The following LARGE1 variants were observed in gnomAD, a reference collection of about 807,000 sequenced individuals.
LARGE1 encodes the protein xylosyl- and glucuronyltransferase LARGE1.
Under a neutral mutation model 87.6 loss-of-function variants are expected in LARGE1, and 43 were observed. The observed-to-expected ratio is 0.49, with a 90% CI of 0.38 to 0.63. The LOEUF is 0.63. Among genes scored for constraint, LARGE1 ranks in the 30% least tolerant of loss-of-function variants. LARGE1 has a pLI of 0.00. For synonymous variants in LARGE1, 434 were observed against 394.6 expected, an observed-to-expected ratio of 1.10 and a Z score of -1.18; for missense variants, 802 against 1,000.2, an observed-to-expected ratio of 0.80 and a Z score of 2.67.
At chr22:33,707,561 C>G (rs1010337597) in intron 2 of LARGE1, among the ~76,000 whole-genome samples, 2 of 152,246 alleles carry the variant, frequency 1.3e-5, no homozygotes, top group African/African-American at 4.8e-5. Flanking sequence ...ACTGCTCTGG[C>G]TTTGCAGCCA....
intron 9 of LARGE1, among the ~76,000 whole-genome samples, chr22:33,380,754 C>A (rs1245995359): frequency 6.6e-6 from 1 of 152,156 alleles, no homozygotes; most frequent in Non-Finnish European, 1.5e-5. Context: ...ATCCTTTTTC[C>A]TTTTTAAAAC....
rs186771487 is a variant in LARGE1, at chr22:33,510,437, T to C, written c.787+54411A>G. On this transcript the variant is annotated intron_variant, in intron 6 of 14. Coordinates refer to ENST00000397394, the MANE Select transcript of LARGE1 (RefSeq NM_133642.5). ...GTGCTAGTAAAAAGTGGAGGTAAAA[T>C]TGGAACCCAGGCTGCCTGTCTCCAG... Among the ~76,000 whole-genome samples, 459 of 152,276 alleles carry C rather than the reference T, an allele frequency of 3.0e-3. 2 individuals carry two copies. Among genetic ancestry groups the C allele is most frequent in the African/African-American group, 0.011 (439 of 41,560 alleles).
intron 6 of LARGE1, among the ~76,000 whole-genome samples, chr22:33,563,650 G>A (rs915619139): frequency 7.2e-5 from 11 of 152,096 alleles, no homozygotes; most frequent in African/African-American, 2.2e-4. Flanking sequence ...CTAAGCTTCC[G>A]TTTCTTTCTT....
intron 1 of LARGE1, among the ~76,000 whole-genome samples, chr22:33,886,917 A>G (rs1016706661): frequency 3.3e-5 from 5 of 152,104 alleles, no homozygotes; most frequent in African/African-American, 4.8e-5. Flanking sequence ...AAACCAGAAC[A>G]TCCCATAAAA....
chr22:33,458,234 T>C (rs1020926575), intron 6 of LARGE1, among the ~76,000 whole-genome samples: 1 of 150,656 alleles, frequency 6.6e-6, no homozygotes, highest in Non-Finnish European at 1.5e-5. Flanking sequence ...AGCCTCCCAG[T>C]AGCTGGGACT....
intron 5 of LARGE1, among the ~76,000 whole-genome samples, chr22:33,566,293 G>A (rs892153952): frequency 9.9e-5 from 15 of 152,198 alleles, no homozygotes; most frequent in Admixed American, 3.9e-4. Flanking sequence ...AAACAATGTG[G>A]ATCAAGATAT....
intron 1 of LARGE1, among the ~76,000 whole-genome samples, chr22:33,838,566 G>A (rs1210157786): frequency 6.6e-6 from 1 of 152,186 alleles, no homozygotes; most frequent in Non-Finnish European, 1.5e-5. Flanking sequence ...TTGAGCCCAA[G>A]AGTTTGAGGC....
At chr22:33,410,470 G>A (rs192382280) in intron 7 of LARGE1, among the ~76,000 whole-genome samples, 2 of 152,142 alleles carry the variant, frequency 1.3e-5, no homozygotes, top group Non-Finnish European at 1.5e-5. Context: ...CAGTGAGTGA[G>A]TTCTCACGAG....
chr22:33,235,054 C>A (rs1413294770), intron 11 of LARGE1, among the ~76,000 whole-genome samples: 1 of 152,184 alleles, frequency 6.6e-6, no homozygotes, highest in African/African-American at 2.4e-5. Flanking sequence ...AAGATTTGGA[C>A]CCCAGTCTAC....
intron 6 of LARGE1, among the ~76,000 whole-genome samples, chr22:33,474,175 T>C (rs533577597): frequency 6.6e-6 from 1 of 152,182 alleles, no homozygotes; most frequent in Non-Finnish European, 1.5e-5. Flanking sequence ...TATTTATTTA[T>C]TTTTTGAGAT....
chr22:33,184,889 T>G (rs751922818), intron 11 of LARGE1, among the ~76,000 whole-genome samples: 12 of 152,112 alleles, frequency 7.9e-5, no homozygotes, highest in Middle Eastern at 3.2e-3. Context: ...AAGGCCAAAA[T>G]CGAAAACATT....
At chr22:33,547,092 T>C (rs761704250) in intron 6 of LARGE1, among the ~76,000 whole-genome samples, 9 of 152,200 alleles carry the variant, frequency 5.9e-5, no homozygotes, top group Non-Finnish European at 1.2e-4. Flanking sequence ...TGAACTGTTA[T>C]ATGCCAGGTC....
At chr22:33,789,348 T>C (rs199568373) in intron 1 of LARGE1, among the ~76,000 whole-genome samples, 1 of 152,244 alleles carries the variant, frequency 6.6e-6, no homozygotes, top group Non-Finnish European at 1.5e-5. Context: ...TGTATGGAAA[T>C]GCCTGGATGT....
At chr22:33,828,872 T>C (rs927722297) in intron 1 of LARGE1, among the ~76,000 whole-genome samples, 12 of 152,204 alleles carry the variant, frequency 7.9e-5, no homozygotes, top group African/African-American at 2.9e-4. Context: ...TCCTTGCTAA[T>C]CAAGGTCCGT....
At chr22:33,416,531 A>C (rs12169156) in intron 7 of LARGE1, among the ~76,000 whole-genome samples, 50,620 of 151,836 alleles carry the variant, frequency 0.33, 8,826 homozygotes, top group Admixed American at 0.4. Flanking sequence ...TATGTGGGTC[A>C]TCTAGTGTTT....
chr22:33,310,792 C>G (rs193277495), intron 11 of LARGE1, among the ~76,000 whole-genome samples: 1 of 152,144 alleles, frequency 6.6e-6, no homozygotes, highest in East Asian at 1.9e-4. Flanking sequence ...CCGTTAAGTG[C>G]CTCTCATTAG....
At chr22:33,239,121 A>C (rs1303135133) in intron 11 of LARGE1, among the ~76,000 whole-genome samples, 1 of 152,016 alleles carries the variant, frequency 6.6e-6, no homozygotes, top group Non-Finnish European at 1.5e-5. Flanking sequence ...AAAAAAAAAA[A>C]ACCTCAACAG....
At chr22:33,556,483 G>A (rs1296568277) in intron 6 of LARGE1, among the ~76,000 whole-genome samples, 1 of 144,596 alleles carries the variant, frequency 6.9e-6, no homozygotes, top group Non-Finnish European at 1.5e-5. Flanking sequence ...ATGAATGACT[G>A]AATGGGTGCA....
chr22:33,495,528 G>C (rs1365266254), intron 6 of LARGE1, among the ~76,000 whole-genome samples: 2 of 152,158 alleles, frequency 1.3e-5, no homozygotes. Flanking sequence ...AGACCAGCCT[G>C]ACAGACATGG....
Sources: gnomAD v4.1 joint callset for allele counts (sites outside exome capture counted in the v4.1 genomes callset) on GRCh38, gnomAD v4.1.1 for gene constraint, MANE v1.5 for transcripts, NCBI Gene and HGNC (gene_info 2026-07-23, HGNC 2026-07-21) for gene names.